The following FGF23 variants were observed in gnomAD, a reference collection of about 807,000 sequenced individuals.
FGF23 encodes phosphatonin.
In FGF23, 8 loss-of-function variants were observed where a neutral mutation model predicts 9.0. The observed-to-expected ratio is 0.89, with a 90% CI of 0.52 to 1.60. The LOEUF is 1.60. Among genes scored for constraint, FGF23 ranks in the 40% most tolerant of loss-of-function variants. The pLI is 0.00. For missense variants in FGF23, 311 were observed against 344.3 expected (o/e 0.90, Z 0.77); for synonymous variants, 118 against 146.2 (o/e 0.81, Z 1.39).
At chr12:4,378,739 TGG>T (rs1284464685) in intron 1 of FGF23, among the ~76,000 whole-genome samples, 5 of 142,438 alleles carry the variant, frequency 3.5e-5, no homozygotes, top group Admixed American at 2.0e-4. Flanking sequence ...GATGGATGGA[TGG>T]ATGGATGGAT....
intron 1 of FGF23, among the ~76,000 whole-genome samples, chr12:4,377,626 T>A (rs1444005560): frequency 6.9e-6 from 1 of 145,366 alleles, no homozygotes; most frequent in African/African-American, 2.5e-5. Flanking sequence ...GAGATGGGGT[T>A]TCACTGTGTT....
At chr12:4,372,805 G>A in intron 1 of FGF23, 108 bp from the exon 2 acceptor site, 1 of 782,396 alleles carries the variant, frequency 1.3e-6, no homozygotes, top group South Asian at 1.4e-5. Context: ...GATTTTAAGG[G>A]TGGTGATAAC....
In FGF23 at chr12:4,379,656, T is replaced by C; in HGVS notation, c.-74A>G. 7.8e-7 allele frequency: 1 copy of C among 1,288,452 alleles called. No individual in the cohort carries two copies. Among genetic ancestry groups the C allele is most frequent in the South Asian group, 1.3e-5 (1 of 79,200 alleles). 79.8% of individuals were successfully genotyped at this position (1,288,452 alleles called of 1,614,324 possible). On this transcript the variant is annotated 5_prime_UTR_variant, in exon 1 of 3. Coordinates refer to ENST00000237837, the MANE Select transcript of FGF23 (RefSeq NM_020638.3). ...TGTCGGGACTCTCCTGGCCCAGGCC[T>C]TACTGGCCTTTTCCTTCTCCCTTGC...
At chr12:4,379,308 C>G in intron 1 of FGF23, 64 bp downstream of exon 1, 1 of 1,482,838 alleles carries the variant, frequency 6.7e-7, no homozygotes, top group Non-Finnish European at 9.3e-7. Context: ...CCCAACCTCC[C>G]CAAGCCTCCT....
rs387907425 is a variant in FGF23, at chr12:4,370,476, T to C, written c.623A>G (p.Gln208Arg). ...GTTGTCCTCGGCGCTCGGGAGCTCC[T>C]GTGAACAGGAGGCCGGGGCCGGGGT... ...RMTPAPASCS[Q>R]ELPSAEDNSP... The change falls in exon 3 of 3, where the codon CAG (glutamine) becomes CGG (arginine). Residue 208 changes from glutamine to arginine, a missense_variant. Transcript: ENST00000237837. The C allele has an allele frequency of 2.5e-6, 4 of 1,612,230 alleles. No homozygotes were observed. The highest frequency in any genetic ancestry group is 3.4e-6 in the Non-Finnish European group (4 of 1,179,036).
In FGF23 at chr12:4,379,674, T is replaced by C; in HGVS notation, c.-92A>G. ...CCAGGCCTTACTGGCCTTTTCCTTC[T>C]CCCTTGCAAGTAGCTGGTGTGAGGA... On this transcript the variant is annotated 5_prime_UTR_variant, in exon 1 of 3. Coordinates refer to ENST00000237837, the MANE Select transcript of FGF23 (RefSeq NM_020638.3). The C allele has an allele frequency of 8.9e-7, 1 of 1,117,600 alleles. No homozygotes were observed. Among genetic ancestry groups the C allele is most frequent in the Non-Finnish European group, 1.3e-6 (1 of 765,790 alleles). 69.2% of individuals were successfully genotyped at this position (1,117,600 alleles called of 1,614,324 possible). A position where few individuals can be genotyped will look rare whatever the true frequency, so the allele number is the denominator to read the frequency against.
rs1591672426 is a variant in FGF23 at position 4,370,749 on chromosome 12, T to G, written c.350A>C (p.His117Pro). Reference protein sequence around the residue: ...YFDPENCRFQHQTLENGYDVY... With the variant: ...YFDPENCRFQPQTLENGYDVY... ...GTCGTACCCGTTTTCCAGCGTCTGG[T>G]GTTGGAACCTGCAGTTCTCCGGGTC... Residue 117 changes from histidine to proline, a missense_variant, in exon 3 of 3, where the codon CAC becomes CCC. His to Pro is a moderately conservative substitution (Grantham distance 77, BLOSUM62 -2). Around this residue, in one of 3 missense-constraint regions of FGF23, gnomAD observed 206 missense variants for 219.2 expected, o/e 0.94. Transcript: ENST00000237837. The G allele has an allele frequency of 6.2e-7, 1 of 1,613,952 alleles. No individual in the cohort carries two copies. Among genetic ancestry groups the G allele is most frequent in the Non-Finnish European group, 8.5e-7 (1 of 1,179,990 alleles).
At chr12:4,373,898 T>C (rs550527633) in intron 1 of FGF23, among the ~76,000 whole-genome samples, 1 of 152,324 alleles carries the variant, frequency 6.6e-6, no homozygotes, top group South Asian at 2.1e-4. Flanking sequence ...GCAGGGATTC[T>C]AATTCCTCTT....
Position 4,370,484 on chromosome 12 carries a change from G to A in FGF23, c.615C>T (p.Ser205=). 1.9e-6 allele frequency: 3 copies of A among 1,612,040 alleles called. No individual in the cohort carries two copies. Among genetic ancestry groups the A allele is most frequent in the Non-Finnish European group, 8.5e-7 (1 of 1,178,724 alleles). The change falls in exon 3 of 3, where the codon TCC becomes TCT. Residue 205 remains serine, a synonymous_variant. Transcript: ENST00000237837. The part of the protein sequence containing the change: ...PRARMTPAPA[S]CSQELPSAED... ...CGGCGCTCGGGAGCTCCTGTGAACA[G>A]GAGGCCGGGGCCGGGGTCATCCGGG...
At chr12:4,373,971 C>T (rs1273362002) in intron 1 of FGF23, among the ~76,000 whole-genome samples, 1 of 152,044 alleles carries the variant, frequency 6.6e-6, no homozygotes, top group Non-Finnish European at 1.5e-5. Context: ...GTGATGGAGC[C>T]TTGTGGGGGT....
At position 4,369,802 on chromosome 12, in the gene FGF23, T is replaced by C. The variant is rs1405614398; in HGVS notation, c.*541A>G. 1 of 230,052 alleles carries C rather than the reference T, an allele frequency of 4.3e-6. No homozygotes were observed. The highest frequency in any genetic ancestry group is 2.2e-5 in the African/African-American group (1 of 45,102). The allele number at this position is 230,052 out of a possible 1,614,324, so 14.3% of individuals were successfully genotyped here. A position where few individuals can be genotyped will look rare whatever the true frequency, so the allele number is the denominator to read the frequency against. On this transcript the variant is annotated 3_prime_UTR_variant, in exon 3 of 3. Transcript: ENST00000237837. ...AGGAAGAACGAAGGCTTGAAAGTAGTGTTTTCATCAACTTGCCCCATTCAG... is the reference window on the plus strand; with the variant it reads ...AGGAAGAACGAAGGCTTGAAAGTAGCGTTTTCATCAACTTGCCCCATTCAG...
At chr12:4,378,345 TCTTTC>T (rs927461209) in intron 1 of FGF23, among the ~76,000 whole-genome samples, 1 of 152,220 alleles carries the variant, frequency 6.6e-6, no homozygotes, top group African/African-American at 2.4e-5. Flanking sequence ...AACTAATTTT[TCTTTC>T]CTTTAATTTG....
At position 4,370,366 on chromosome 12, in the gene FGF23, G is replaced by A; in HGVS notation, c.733C>T (p.Arg245Cys). 1 of 1,613,576 alleles carries A rather than the reference G, an allele frequency of 6.2e-7. No homozygotes were observed. The highest frequency in any genetic ancestry group is 8.5e-7 in the Non-Finnish European group (1 of 1,180,006). Reference protein sequence around the residue: ...HAGGTGPEGCRPFAKFI With the variant: ...HAGGTGPEGCCPFAKFI ...CCCTAGATGAACTTGGCGAAGGGGC[G>A]GCAGCCTTCCGGGCCCGTTCCCCCA... Residue 245 changes from arginine to cysteine, a missense_variant, in exon 3 of 3, where the codon CGC (arginine) becomes TGC (cysteine). Transcript: ENST00000237837.
chr12:4,372,602 A>G lies in FGF23; in HGVS notation c.307T>C (p.Phe103Leu), dbSNP rs1341205036. The change falls in exon 2 of 3, where the codon TTT (phenylalanine) becomes CTT (leucine). Residue 103 changes from phenylalanine to leucine, a missense_variant. Phe to Leu is a conservative substitution (Grantham distance 22). Transcript: ENST00000237837. ...YLCMDFRGNI[F>L]GSHYFDPENC... ...ACAAAAAAGAAACTCACTGATCCAAAAATGTTGCCTCTGAAATCCATGCAG... is the reference window on the plus strand; with the variant it reads ...ACAAAAAAGAAACTCACTGATCCAAGAATGTTGCCTCTGAAATCCATGCAG... 1.2e-6 allele frequency: 2 copies of G among 1,604,852 alleles called. No individual in the cohort carries two copies. Among genetic ancestry groups the G allele is most frequent in the East Asian group, 2.2e-5 (1 of 44,836 alleles).
chr12:4,379,279 T>C, intron 1 of FGF23, 93 bp downstream of exon 1: 1 of 1,084,438 alleles, frequency 9.2e-7, no homozygotes, highest in Non-Finnish European at 1.4e-6. Flanking sequence ...GAGGGTTGGA[T>C]TAGCCCTCCA....
chr12:4,371,650 A>G (rs1352486728), intron 2 of FGF23, among the ~76,000 whole-genome samples: 1 of 152,254 alleles, frequency 6.6e-6, no homozygotes, highest in Non-Finnish European at 1.5e-5. Flanking sequence ...ATGAATAGCT[A>G]TCACAATTGG....
At chr12:4,377,422 C>CCT (rs1865128653) in intron 1 of FGF23, among the ~76,000 whole-genome samples, 2 of 69,478 alleles carry the variant, frequency 2.9e-5, no homozygotes, top group East Asian at 1.1e-3. Flanking sequence ...CACATATAGT[C>CCT]TTTTTTTTTT....
At chr12:4,375,039 G>A (rs1422690566) in intron 1 of FGF23, among the ~76,000 whole-genome samples, 2 of 152,186 alleles carry the variant, frequency 1.3e-5, no homozygotes, top group African/African-American at 4.8e-5. Context: ...TGAGCCAGGT[G>A]CCAAGAACCA....
rs1244686549 is a variant in FGF23, at chr12:4,369,309, A to T, written c.*1034T>A. The T allele has an allele frequency of 4.3e-6, 1 of 231,546 alleles. No homozygotes were observed. Among genetic ancestry groups the T allele is most frequent in the African/African-American group, 2.2e-5 (1 of 45,246 alleles). The allele number at this position is 231,546 out of a possible 1,614,324, so 14.3% of individuals were successfully genotyped here. A position where few individuals can be genotyped will look rare whatever the true frequency, so the allele number is the denominator to read the frequency against. ...AAAAGGACACGATTTTTCAGTCCAC[A>T]GAAAACCTAACCCAGAGCAGTCCCA... On this transcript the variant is annotated 3_prime_UTR_variant, in exon 3 of 3. Transcript: ENST00000237837.
Sources: gnomAD v4.1 joint callset for allele counts (sites outside exome capture counted in the v4.1 genomes callset) on GRCh38, gnomAD v4.1.1 for gene constraint, gnomAD v4.1.1 regional missense constraint, MANE v1.5 for transcripts, NCBI Gene and HGNC (gene_info 2026-07-23, HGNC 2026-07-21) for gene names.